Variants in MED27 observed in about 807,000 individuals in gnomAD.
MED27 encodes mediator complex subunit 27, also known as mediator of RNA polymerase II transcription subunit 27.
In MED27, 30 loss-of-function variants were observed where a neutral mutation model predicts 38.2. The observed-to-expected ratio is 0.79, with a 90% CI of 0.59 to 1.07. The LOEUF is 1.07. Among genes scored for constraint, MED27 ranks in the 50% least tolerant of loss-of-function variants. The pLI is 0.00. For missense variants in MED27, 289 were observed against 397.5 expected (o/e 0.73, Z 2.32); for synonymous variants, 122 against 153.5 (o/e 0.79, Z 1.52).
At chr9:131,963,691 G>A (rs976209624) in intron 3 of MED27, among the ~76,000 whole-genome samples, 11 of 151,998 alleles carry the variant, frequency 7.2e-5, no homozygotes, top group African/African-American at 2.2e-4. Context: ...TATTCCTAAC[G>A]AGAAAACAAC....
At chr9:132,071,829 A>G (rs1038101502) in intron 2 of MED27, among the ~76,000 whole-genome samples, 3 of 150,198 alleles carry the variant, frequency 2.0e-5, no homozygotes, top group Non-Finnish European at 3.0e-5. Context: ...ATAAGTGAGT[A>G]CACACATACA....
At chr9:131,950,333 C>T (rs1426419658) in intron 3 of MED27, among the ~76,000 whole-genome samples, 2 of 152,128 alleles carry the variant, frequency 1.3e-5, no homozygotes, top group African/African-American at 4.8e-5. Context: ...CTGTGGGCGG[C>T]AGACATTCAA....
At chr9:131,921,373 T>C (rs1373212977) in intron 4 of MED27, among the ~76,000 whole-genome samples, 1 of 152,232 alleles carries the variant, frequency 6.6e-6, no homozygotes, top group Non-Finnish European at 1.5e-5. Flanking sequence ...TACCCAATTT[T>C]CTGGTTTCTT....
At chr9:131,865,145 C>T (rs531715738) in intron 6 of MED27, among the ~76,000 whole-genome samples, 6 of 152,352 alleles carry the variant, frequency 3.9e-5, no homozygotes, top group South Asian at 4.1e-4. Context: ...AATACATCAA[C>T]GGTTCTTGTA....
chr9:131,864,413 G>T (rs1328914744), intron 6 of MED27, among the ~76,000 whole-genome samples: 3 of 152,226 alleles, frequency 2.0e-5, no homozygotes, highest in African/African-American at 7.2e-5. Context: ...AGCCTGGGAA[G>T]TTGAGGCTAC....
chr9:132,078,741 C>T (rs779696282), intron 1 of MED27, among the ~76,000 whole-genome samples: 3 of 152,174 alleles, frequency 2.0e-5, no homozygotes, highest in Non-Finnish European at 2.9e-5. Flanking sequence ...CTTTCCCCTA[C>T]TCAGGTCAGT....
chr9:131,942,481 C>T (rs1830806977), intron 3 of MED27, among the ~76,000 whole-genome samples: 1 of 152,152 alleles, frequency 6.6e-6, no homozygotes, highest in Admixed American at 6.5e-5. Flanking sequence ...CATCCACTGT[C>T]CTGTGTGAAT....
intron 3 of MED27, among the ~76,000 whole-genome samples, chr9:132,012,733 G>A (rs1474441811): frequency 6.6e-6 from 1 of 152,060 alleles, no homozygotes; most frequent in Non-Finnish European, 1.5e-5. Context: ...CTAGCACTAA[G>A]CATAACTACA....
chr9:132,033,553 C>T (rs1187614249), intron 2 of MED27, among the ~76,000 whole-genome samples: 2 of 152,242 alleles, frequency 1.3e-5, no homozygotes, highest in African/African-American at 4.8e-5. Flanking sequence ...CAAAGGTTAC[C>T]TCTCCATCGA....
chr9:132,016,560 T>C (rs1252210733), intron 2 of MED27, among the ~76,000 whole-genome samples: 1 of 152,212 alleles, frequency 6.6e-6, no homozygotes, highest in African/African-American at 2.4e-5. Flanking sequence ...AAGACAATGT[T>C]TCAAAATGTC....
intron 6 of MED27, among the ~76,000 whole-genome samples, chr9:131,877,485 A>T (rs1589177282): frequency 6.6e-6 from 1 of 152,154 alleles, no homozygotes; most frequent in South Asian, 2.1e-4. Context: ...CTGAGGCAGG[A>T]GAATTGCTTG....
intron 3 of MED27, among the ~76,000 whole-genome samples, chr9:131,960,294 C>T (rs543047985): frequency 1.2e-4 from 18 of 152,246 alleles, no homozygotes; most frequent in African/African-American, 3.1e-4. Context: ...GCAGCTGTAA[C>T]TCAGATTCAG....
At chr9:131,996,407 G>A (rs1422106540) in intron 3 of MED27, among the ~76,000 whole-genome samples, 1 of 152,156 alleles carries the variant, frequency 6.6e-6, no homozygotes, top group Admixed American at 6.5e-5. Context: ...CTAAGGGTGA[G>A]CCAAATCTGG....
intron 2 of MED27, among the ~76,000 whole-genome samples, chr9:132,017,592 C>T (rs1027173561): frequency 1.3e-5 from 2 of 152,016 alleles, no homozygotes; most frequent in Non-Finnish European, 2.9e-5. Flanking sequence ...CTTACAAGTG[C>T]GGGGAATGGG....
rs1325609119 is a variant in MED27, at chr9:131,889,067, A to G, written c.681+4818T>C. On this transcript the variant is annotated intron_variant, in intron 5 of 7. Coordinates refer to ENST00000292035, the MANE Select transcript of MED27 (RefSeq NM_004269.4). This position sits in a 1 kb window ranked among gnomAD's most constrained non-coding sequence, Gnocchi z 4.2. ...GGTCATCTGAACAATTTCAAAGGCTATAACAAATCAAAATGTTCCCTGCAT... is the reference window on the plus strand; with the variant it reads ...GGTCATCTGAACAATTTCAAAGGCTGTAACAAATCAAAATGTTCCCTGCAT... Among the ~76,000 whole-genome samples, 3 of 152,236 alleles carry G rather than the reference A, an allele frequency of 2.0e-5. No homozygotes were observed. Among genetic ancestry groups the G allele is most frequent in the Non-Finnish European group, 4.4e-5 (3 of 68,042 alleles).
intron 2 of MED27, among the ~76,000 whole-genome samples, chr9:132,054,160 C>A (rs1314693641): frequency 6.6e-6 from 1 of 152,102 alleles, no homozygotes; most frequent in African/African-American, 2.4e-5. Flanking sequence ...GTGCTAGAGG[C>A]GGGGCCTGAA....
intron 3 of MED27, among the ~76,000 whole-genome samples, chr9:131,962,710 G>A (rs1206157889): frequency 1.3e-5 from 2 of 152,218 alleles, no homozygotes; most frequent in Non-Finnish European, 2.9e-5. Context: ...TGTGTTTAAA[G>A]TGGATGCTTG....
At position 131,913,846 on chromosome 9, in the gene MED27, G is replaced by GT. The variant is rs1830234500; in HGVS notation, c.574-19855dup. Among the ~76,000 whole-genome samples, 2 of 152,174 alleles carry GT rather than the reference G, an allele frequency of 1.3e-5. No homozygotes were observed. The highest frequency in any genetic ancestry group is 4.1e-4 in the South Asian group (2 of 4,828). ...TCCAATGATTCCCTGAGCCACTGGC[G>GT]TGGTACCAAACGCAGGACAGCACTC... On this transcript the variant is annotated intron_variant, in intron 4 of 7. Coordinates refer to ENST00000292035, the MANE Select transcript of MED27 (RefSeq NM_004269.4). The surrounding 1 kb of genome is among the most constrained non-coding windows in gnomAD (Gnocchi z 4.5).
intron 4 of MED27, among the ~76,000 whole-genome samples, chr9:131,933,907 C>T (rs926119443): frequency 2.6e-5 from 4 of 152,090 alleles, no homozygotes; most frequent in Admixed American, 6.6e-5. Flanking sequence ...ACCAAAATAG[C>T]GTGGTACTGG....
Sources: allele counts gnomAD v4.1 joint callset (sites outside exome capture counted in the v4.1 genomes callset), GRCh38; gene constraint gnomAD v4.1.1; non-coding constraint Gnocchi (gnomAD v3.1); transcripts MANE v1.5; gene names NCBI Gene and HGNC (gene_info 2026-07-23, HGNC 2026-07-21).